SEZ6: variants seen among roughly 807,000 people sequenced by gnomAD.
The protein encoded by SEZ6 is seizure related 6 homolog.
In SEZ6, 53 loss-of-function variants were observed where a neutral mutation model predicts 101.0. That is an observed-to-expected ratio of 0.52 (90% CI 0.42 to 0.66). The LOEUF is 0.66. Ranked by LOEUF, SEZ6 falls within the 30% of genes least tolerant of loss-of-function variation. The pLI is 0.00. For synonymous variants in SEZ6, 488 were observed against 512.2 expected (o/e 0.95, Z 0.64); for missense variants, 1,102 against 1,289.4 (o/e 0.85, Z 2.23).
Position 28,960,664 on chromosome 17 carries a change from T to C in SEZ6, c.1417A>G (p.Ile473Val). 1 of 1,607,782 alleles carries C rather than the reference T, an allele frequency of 6.2e-7. No individual in the cohort carries two copies. Among genetic ancestry groups the C allele is most frequent in the Non-Finnish European group, 8.5e-7 (1 of 1,177,036 alleles). Residue 473 changes from isoleucine (I) to valine (V), a missense_variant, in exon 7 of 17, where the codon ATT becomes GTT. Physicochemically the swap from Ile to Val is conservative, Grantham distance 29. Around this residue, in one of 3 missense-constraint regions of SEZ6, gnomAD observed 556 missense variants for 735.1 expected, o/e 0.76. Coordinates refer to ENST00000317338, the MANE Select transcript of SEZ6 (RefSeq NM_178860.5). The stretch of plus-strand genomic sequence containing the variant: ...GCCTCCACGTTGTCCCCATTGCGAA[T>C]GATGAGCCTGAACCAGGAGAGTGGC... The part of the protein sequence containing the change: ...SLAEDDDRLI[I>V]RNGDNVEAPP...
intron 1 of SEZ6, among the ~76,000 whole-genome samples, chr17:28,983,832 G>A (rs953692011): frequency 6.6e-6 from 1 of 152,134 alleles, no homozygotes; most frequent in Non-Finnish European, 1.5e-5. Context: ...GTCTGGTGGT[G>A]GGGCTGTCAT....
At position 28,981,600 on chromosome 17, in the gene SEZ6, G is replaced by A. The variant is rs1453794177; in HGVS notation, c.495C>T (p.Thr165=). Residue 165 remains threonine (T), a synonymous_variant, in exon 2 of 17, where the codon ACC becomes ACT. Coordinates refer to ENST00000317338, the MANE Select transcript of SEZ6 (RefSeq NM_178860.5). ...LPPGPSMAVP[T]LGPGEIASTT... is the part of the protein sequence containing the mutation. ...TGCTGGCTATCTCCCCTGGGCCTAG[G>A]GTGGGCACTGCCATGCTGGGCCCTG... is the stretch of plus-strand genomic sequence containing the variant. 3 of 1,602,718 alleles carry A rather than the reference G, an allele frequency of 1.9e-6. No individual in the cohort carries two copies. The East Asian group carries it at 6.7e-5, about 36-fold the overall frequency.
rs12051683 is a variant in SEZ6 at position 29,002,429 on chromosome 17, G to A, written c.55+3386C>T. The stretch of plus-strand genomic sequence containing the variant: ...ACAGTGTCCCCAAGGCATTTTAAGC[G>A]GCCACCCTGCTGAGGAGGCCAGGAT... On this transcript the variant is annotated intron_variant, in intron 1 of 16. Transcript: ENST00000317338. Among the ~76,000 whole-genome samples the A allele has an allele frequency of 4.4e-4, 67 of 152,230 alleles. No homozygotes were observed. In the East Asian group the frequency reaches 7.7e-3, roughly 18 times the overall value.
chr17:28,974,448 C>T lies in SEZ6; in HGVS notation c.859-4496G>A, dbSNP rs977090928. 3.9e-4 allele frequency among the ~76,000 whole-genome samples: 60 copies of T among 152,338 alleles called. No homozygotes were observed. The Middle Eastern group carries it at 0.014, about 35-fold the overall frequency. ...CGCATGCCCTCACACACCCGTGCTC[C>T]CTCACAGCAACCATAGGATAATCAC... On this transcript the variant is annotated intron_variant, in intron 3 of 16. Transcript: ENST00000317338.
chr17:29,001,064 G>T (rs947757441), intron 1 of SEZ6, among the ~76,000 whole-genome samples: 1 of 152,086 alleles, frequency 6.6e-6, no homozygotes, highest in Non-Finnish European at 1.5e-5. Context: ...AGCTTAATTT[G>T]TAGAAGGAAA....
intron 3 of SEZ6, among the ~76,000 whole-genome samples, chr17:28,974,068 C>A (rs531779296): frequency 6.2e-4 from 95 of 152,204 alleles, no homozygotes; most frequent in Non-Finnish European, 9.3e-4. Context: ...ACAGCCTCAT[C>A]TGCCCTGTCT....
chr17:28,973,028 C>T (rs2041175595), intron 3 of SEZ6, among the ~76,000 whole-genome samples: 1 of 152,220 alleles, frequency 6.6e-6, no homozygotes, highest in African/African-American at 2.4e-5. Context: ...CCTCTAGCTT[C>T]TTTTTCCTGA....
chr17:28,994,773 G>A (rs1242814951), intron 1 of SEZ6, among the ~76,000 whole-genome samples: 1 of 152,020 alleles, frequency 6.6e-6, no homozygotes, highest in African/African-American at 2.4e-5. Context: ...CTTTATTATC[G>A]GTGCTCAACC....
At chr17:28,976,222 TATGAGAGGC>T (rs1208193449) in intron 3 of SEZ6, among the ~76,000 whole-genome samples, 1 of 152,174 alleles carries the variant, frequency 6.6e-6, no homozygotes, top group Non-Finnish European at 1.5e-5. Context: ...TGAAGCAGGT[TATGAGAGGC>T]TGTGGTCCAA....
chr17:29,003,183 T>G (rs1035789287), intron 1 of SEZ6, among the ~76,000 whole-genome samples: 6 of 152,222 alleles, frequency 3.9e-5, no homozygotes, highest in African/African-American at 1.4e-4. Context: ...TTAAAAATCA[T>G]TAAACTGACA....
At position 28,983,010 on chromosome 17, in the gene SEZ6, G is replaced by A. The variant is rs954150406; in HGVS notation, c.56-971C>T. Among the ~76,000 whole-genome samples, 4 of 152,248 alleles carry A rather than the reference G, an allele frequency of 2.6e-5. No individual in the cohort carries two copies. In the South Asian group the frequency reaches 6.2e-4, roughly 24 times the overall value. On this transcript the variant is annotated intron_variant, in intron 1 of 16. Transcript: ENST00000317338. ...GTTAGGGGCCCAGTAGTTTCTCTCC[G>A]TTCTCAGGAAATCATTTCTTTTGTA...
chr17:29,004,603 C>T (rs1350367209), intron 1 of SEZ6, among the ~76,000 whole-genome samples: 3 of 152,172 alleles, frequency 2.0e-5, no homozygotes, highest in Non-Finnish European at 4.4e-5. Flanking sequence ...CCAGCCTGTC[C>T]CTGGCCGCGC....
Position 28,981,743 on chromosome 17 carries a change from C to G in SEZ6, c.352G>C (p.Val118Leu). The G allele has an allele frequency of 1.9e-6, 3 of 1,608,032 alleles. No homozygotes were observed. The highest frequency in any genetic ancestry group is 2.6e-6 in the Non-Finnish European group (3 of 1,175,540). Residue 118 changes from valine to leucine, a missense_variant, in exon 2 of 17, where the codon GTC becomes CTC. Coordinates refer to ENST00000317338, the MANE Select transcript of SEZ6 (RefSeq NM_178860.5). ...ATGGCTGGAGTGGGGCTGGTAAAGA[C>G]AGGGCGGCTGTCCTGGTTGGCCAGG... ...PRLANQDSRP[V>L]FTSPTPAMAA...
chr17:28,994,701 G>A (rs575551391), intron 1 of SEZ6, among the ~76,000 whole-genome samples: 12 of 152,058 alleles, frequency 7.9e-5, no homozygotes, highest in South Asian at 4.2e-4. Context: ...AAGCCACCGC[G>A]TCCGGCCCGG....
chr17:29,003,265 C>G (rs2041639131), intron 1 of SEZ6, among the ~76,000 whole-genome samples: 1 of 152,222 alleles, frequency 6.6e-6, no homozygotes, highest in African/African-American at 2.4e-5. Context: ...CCCAGGCACC[C>G]CACACAGCTT....
chr17:28,998,980 T>C (rs2041579420), intron 1 of SEZ6, among the ~76,000 whole-genome samples: 2 of 152,238 alleles, frequency 1.3e-5, no homozygotes, highest in South Asian at 4.1e-4. Flanking sequence ...TAGTCACAAC[T>C]GAGCTTATTA....
At chr17:29,002,046 G>C (rs2041621620) in intron 1 of SEZ6, among the ~76,000 whole-genome samples, 2 of 151,788 alleles carry the variant, frequency 1.3e-5, no homozygotes. Context: ...CTTCACTAAT[G>C]TAACTCCTGC....
chr17:28,973,424 C>A (rs1455476986), intron 3 of SEZ6, among the ~76,000 whole-genome samples: 1 of 152,200 alleles, frequency 6.6e-6, no homozygotes, highest in Non-Finnish European at 1.5e-5. Context: ...GCCACCCTTG[C>A]TCCTAGCAGT....
chr17:28,973,626 C>T (rs111635455), intron 3 of SEZ6, among the ~76,000 whole-genome samples: 14 of 152,212 alleles, frequency 9.2e-5, no homozygotes, highest in Non-Finnish European at 2.1e-4. Context: ...GCTCTGGTCC[C>T]CTGGGTTTCA....
Sources: allele counts gnomAD v4.1 joint callset (sites outside exome capture counted in the v4.1 genomes callset), GRCh38; gene constraint gnomAD v4.1.1; regional missense constraint gnomAD v4.1.1; transcripts MANE v1.5; gene names NCBI Gene and HGNC (gene_info 2026-07-23, HGNC 2026-07-21).